Variants in CBLB observed in about 807,000 individuals in gnomAD.
CBLB encodes Cbl proto-oncogene B.
In CBLB, 31 loss-of-function variants were observed where a neutral mutation model predicts 104.9. The observed-to-expected ratio is 0.30, with a 90% CI of 0.22 to 0.40. CBLB has a LOEUF of 0.40. Among genes scored for constraint, CBLB ranks in the 10% least tolerant of loss-of-function variants. The pLI, the probability that CBLB is intolerant of heterozygous loss-of-function variation, is 1.00. For synonymous variants in CBLB, 440 were observed against 422.6 expected (o/e 1.04, Z -0.51); for missense variants, 1,062 against 1,214.6 (o/e 0.87, Z 1.87).
At chr3:105,686,456 AAAAAAAAC>A (rs1319250292) in intron 13 of CBLB, among the ~76,000 whole-genome samples, 2 of 151,930 alleles carry the variant, frequency 1.3e-5, no homozygotes, top group African/African-American at 4.8e-5. Context: ...GGAAGGAAAA[AAAAAAAAC>A]AAAAAAACTA....
At position 105,809,583 on chromosome 3, in the gene CBLB, A is replaced by C. The variant is rs560005093; in HGVS notation, c.420-33041T>G. Among the ~76,000 whole-genome samples, 3 of 152,334 alleles carry C rather than the reference A, an allele frequency of 2.0e-5. No individual in the cohort carries two copies. In the South Asian group the frequency reaches 6.2e-4, roughly 32 times the overall value. Reference sequence around the variant, plus strand: ...CCATCTTGGATTTGTTTTTAATCCCAGAATATCTACTAAAAGATCTGCTTT... The same window carrying C: ...CCATCTTGGATTTGTTTTTAATCCCCGAATATCTACTAAAAGATCTGCTTT... On this transcript the variant is annotated intron_variant, in intron 3 of 18. Coordinates refer to ENST00000394030, the MANE Select transcript of CBLB (RefSeq NM_170662.5).
At chr3:105,820,632 C>T (rs576562380) in intron 3 of CBLB, among the ~76,000 whole-genome samples, 18 of 152,000 alleles carry the variant, frequency 1.2e-4, no homozygotes, top group African/African-American at 3.9e-4. Context: ...TGTTTTAAAC[C>T]CCTCCCATAA....
chr3:105,678,335 G>T, intron 17 of CBLB, 96 bp downstream of exon 17: 1 of 1,220,926 alleles, frequency 8.2e-7, no homozygotes, highest in Non-Finnish European at 1.2e-6. Context: ...TGCTAGGGAG[G>T]TAGAGACTAA....
chr3:105,811,714 CTT>C (rs886104074), intron 3 of CBLB, among the ~76,000 whole-genome samples: 3 of 147,154 alleles, frequency 2.0e-5, no homozygotes, highest in African/African-American at 2.5e-5. Context: ...AAATTACTTC[CTT>C]TTTTTTTTTT....
chr3:105,681,445 G>A (rs759764785), intron 16 of CBLB, 34 bp downstream of exon 16: 2 of 1,604,026 alleles, frequency 1.2e-6, no homozygotes, highest in Non-Finnish European at 1.7e-6. Flanking sequence ...AGAAGGAGGG[G>A]TGGGTTGTTC....
chr3:105,763,708 C>T (rs2077915489), intron 4 of CBLB, among the ~76,000 whole-genome samples: 1 of 152,152 alleles, frequency 6.6e-6, no homozygotes, highest in African/African-American at 2.4e-5. Flanking sequence ...GCTATTAAGT[C>T]ACACTTTCTC....
chr3:105,775,586 T>C (rs2079365110), intron 4 of CBLB, among the ~76,000 whole-genome samples: 1 of 152,232 alleles, frequency 6.6e-6, no homozygotes, highest in South Asian at 2.1e-4. Context: ...TAGGACATTC[T>C]GAGGACGCGC....
chr3:105,661,302 T>A (rs1028854327), intron 18 of CBLB, among the ~76,000 whole-genome samples: 10 of 152,228 alleles, frequency 6.6e-5, no homozygotes, highest in Non-Finnish European at 1.5e-4. Flanking sequence ...AAACTGCGTT[T>A]CTTAGTATGT....
rs199791419 is a variant in CBLB at position 105,734,018 on chromosome 3, C to T, written c.1194G>A (p.Thr398=). 11 of 1,613,834 alleles carry T rather than the reference C, an allele frequency of 6.8e-6. No individual in the cohort carries two copies. Among genetic ancestry groups the T allele is most frequent in the East Asian group, 6.7e-5 (3 of 44,854 alleles). The part of the protein sequence containing the change: ...CGHLMCTSCL[T]AWQESDGQGC... ...TTGCTAATGATTATACCTGCCATGC[C>T]GTAAGGCAAGAGGTGCACATCAAAT... Residue 398 remains threonine (T), a synonymous_variant, in exon 9 of 19, where the codon ACG becomes ACA. Transcript: ENST00000394030.
rs578086852 is a variant in CBLB, at chr3:105,861,120, TACAAATACTTAAAA to T, written c.168+6276_168+6289del. 5.4e-5 allele frequency among the ~76,000 whole-genome samples: 8 copies of T among 146,962 alleles called. No individual in the cohort carries two copies. In the South Asian group the frequency reaches 1.7e-3, roughly 32 times the overall value. On this transcript the variant is annotated intron_variant, in intron 2 of 18. Transcript: ENST00000394030. Reference sequence around the variant, plus strand: ...CATTACTTGAAAAAAATTAGCAACCTACAAATACTTAAAAACAAAAAAAACCTTTAGTAAAATTG... The same window carrying T: ...CATTACTTGAAAAAAATTAGCAACCTACAAAAAAAACCTTTAGTAAAATTG...
intron 3 of CBLB, among the ~76,000 whole-genome samples, chr3:105,848,894 A>G (rs991564052): frequency 1.3e-5 from 2 of 152,100 alleles, no homozygotes; most frequent in African/African-American, 4.8e-5. Context: ...ACTAAACCAT[A>G]TACTTTGTTG....
At chr3:105,682,036 C>T (rs1248023807) in intron 14 of CBLB, 2 of 520,326 alleles carry the variant, frequency 3.8e-6, no homozygotes, top group East Asian at 6.7e-5. Flanking sequence ...TTTTTTTAAA[C>T]TATAACCAAG....
At chr3:105,670,969 T>G (rs2065004017) in intron 17 of CBLB, 1 of 171,458 alleles carries the variant, frequency 5.8e-6, no homozygotes, top group Admixed American at 6.4e-5. Context: ...TTGTTAAAAT[T>G]ATGCCATTTA....
chr3:105,694,737 G>A (rs895132339), intron 12 of CBLB, among the ~76,000 whole-genome samples: 1 of 151,748 alleles, frequency 6.6e-6, no homozygotes, highest in Non-Finnish European at 1.5e-5. Context: ...TTTCACTAGA[G>A]ACTGGTCTTA....
chr3:105,803,835 T>G (rs2083188829), intron 3 of CBLB, among the ~76,000 whole-genome samples: 2 of 152,292 alleles, frequency 1.3e-5, no homozygotes, highest in South Asian at 4.1e-4. Context: ...AGTTACATTT[T>G]CCCCTCAAAA....
rs1231075421 is a variant in CBLB at position 105,850,319 on chromosome 3, A to G, written c.419+3095T>C. ...TTTGGCCAGTATTCATAGAAAATTT[A>G]GAGTTCACATACCTCCATAACTGAA... On this transcript the variant is annotated intron_variant, in intron 3 of 18. Coordinates refer to ENST00000394030, the MANE Select transcript of CBLB (RefSeq NM_170662.5). Among the ~76,000 whole-genome samples, 3 of 152,242 alleles carry G rather than the reference A, an allele frequency of 2.0e-5. No individual in the cohort carries two copies. In the East Asian group the frequency reaches 5.8e-4, roughly 29 times the overall value.
chr3:105,826,476 G>A (rs2086599863), intron 3 of CBLB, among the ~76,000 whole-genome samples: 1 of 152,148 alleles, frequency 6.6e-6, no homozygotes, highest in South Asian at 2.1e-4. Context: ...TCATTCATGT[G>A]CATTTTAAAT....
chr3:105,749,661 C>T (rs1394886888), intron 5 of CBLB: 1 of 197,748 alleles, frequency 5.1e-6, no homozygotes, highest in African/African-American at 2.4e-5. Flanking sequence ...AGGAAGATTA[C>T]TTTTACTCTC....
At chr3:105,834,491 C>T (rs2088119668) in intron 3 of CBLB, among the ~76,000 whole-genome samples, 1 of 152,004 alleles carries the variant, frequency 6.6e-6, no homozygotes, top group Non-Finnish European at 1.5e-5. Flanking sequence ...CCCGTCTCTA[C>T]TAAAAATACA....
Sources: allele counts gnomAD v4.1 joint callset (sites outside exome capture counted in the v4.1 genomes callset), GRCh38; gene constraint gnomAD v4.1.1; transcripts MANE v1.5; gene names NCBI Gene and HGNC (gene_info 2026-07-23, HGNC 2026-07-21).